Variants in UBN2 observed in about 807,000 individuals in gnomAD.
The protein encoded by UBN2 is ubinuclein 2, also known as ubinuclein-2.
UBN2 carries 35 observed loss-of-function variants against 120.2 expected under a neutral mutation model. That is an observed-to-expected ratio of 0.29 (90% CI 0.22 to 0.39). UBN2 has a LOEUF of 0.39. Among genes scored for constraint, UBN2 ranks in the 10% least tolerant of loss-of-function variants. UBN2 has a pLI of 1.00. For synonymous variants in UBN2, 661 were observed against 648.7 expected (o/e 1.02, Z -0.29); for missense variants, 1,693 against 1,663.2 (o/e 1.02, Z -0.31).
chr7:139,259,452 C>CGCCTG, intron 5 of UBN2, 82 bp downstream of exon 5: 1 of 1,537,522 alleles, frequency 6.5e-7, no homozygotes, highest in Non-Finnish European at 8.8e-7. Context: ...TTACCATTAA[C>CGCCTG]TAATTCAACC....
In UBN2 at chr7:139,264,024, G is replaced by A. The variant is rs570560773; in HGVS notation, c.1395+2283G>A. On this transcript the variant is annotated intron_variant, in intron 6 of 17. Coordinates refer to ENST00000473989, the MANE Select transcript of UBN2 (RefSeq NM_173569.4). The stretch of plus-strand genomic sequence containing the variant: ...GTAAGTACTATATGCATCATGAAGA[G>A]ATTATAACTTAATTTGCAGTTTGAT... Among the ~76,000 whole-genome samples the A allele has an allele frequency of 4.0e-4, 61 of 152,212 alleles. 1 individual carries two copies. The highest frequency in any genetic ancestry group is 3.4e-3 in the Middle Eastern group (1 of 292).
At chr7:139,282,265 T>C (rs1262608596) in intron 14 of UBN2, among the ~76,000 whole-genome samples, 1 of 152,218 alleles carries the variant, frequency 6.6e-6, no homozygotes, top group Non-Finnish European at 1.5e-5. Context: ...TATTATAAAC[T>C]GTGCTCTAGT....
Position 139,283,207 on chromosome 7 carries a change from G to C in UBN2, c.2302G>C (p.Asp768His), listed in dbSNP as rs1401486158. The change falls in exon 15 of 18, where the codon GAT (aspartate) becomes CAT (histidine). Residue 768 changes from aspartate to histidine, a missense_variant. Coordinates refer to ENST00000473989, the MANE Select transcript of UBN2 (RefSeq NM_173569.4). ...CCTTTCTTTCCATTCACCTTCACTG[G>C]ATCTTGTTTCTGAAGCTTTAGCGGT... ...EDLSFHSPSL[D>H]LVSEALAVIN... 1 of 1,612,462 alleles carries C rather than the reference G, an allele frequency of 6.2e-7. No homozygotes were observed. Among genetic ancestry groups the C allele is most frequent in the Non-Finnish European group, 8.5e-7 (1 of 1,179,840 alleles).
intron 12 of UBN2, chr7:139,277,071 AAAAG>A (rs1394266689): frequency 6.6e-6 from 1 of 152,094 alleles, no homozygotes; most frequent in Non-Finnish European, 1.5e-5. Context: ...CCAGAAAAAA[AAAAG>A]GGGGGGGTTA....
downstream of UBN2, among the ~76,000 whole-genome samples, chr7:139,309,089 G>T (rs1331186960): frequency 6.6e-6 from 1 of 152,120 alleles, no homozygotes; most frequent in Non-Finnish European, 1.5e-5. Context: ...AGAAATTCAG[G>T]TAAGGGGTGG....
Position 139,283,793 on chromosome 7 carries a change from A to T in UBN2, c.2888A>T (p.Gln963Leu). ...GTCGTGAAGTTAAGTAATAATCCCC[A>T]ACTCTCCTGTTCCTCCTCACTTATT... is the stretch of plus-strand genomic sequence containing the variant. ...NPVVKLSNNP[Q>L]LSCSSSLIKT... The change falls in exon 15 of 18, where the codon CAA (glutamine) becomes CTA (leucine). Residue 963 changes from glutamine to leucine, a missense_variant. Transcript: ENST00000473989. 1 of 1,613,854 alleles carries T rather than the reference A, an allele frequency of 6.2e-7. No individual in the cohort carries two copies.
At chr7:139,262,474 G>A (rs967515665) in intron 6 of UBN2, among the ~76,000 whole-genome samples, 1 of 152,190 alleles carries the variant, frequency 6.6e-6, no homozygotes, top group African/African-American at 2.4e-5. Context: ...ACTTTGGGAA[G>A]CCAAGGTGGG....
chr7:139,297,164 A>T (rs1798132171), intron 17 of UBN2, among the ~76,000 whole-genome samples: 1 of 151,174 alleles, frequency 6.6e-6, no homozygotes, highest in Non-Finnish European at 1.5e-5. Context: ...ATTGCACTCC[A>T]GCCTGGGCGA....
At chr7:139,292,266 C>T (rs12539371) in intron 15 of UBN2, among the ~76,000 whole-genome samples, 10,520 of 151,902 alleles carry the variant, frequency 0.069, 701 homozygotes, top group Admixed American at 0.2. Context: ...AAAAAGGGGG[C>T]GGAGTTTGGG....
At chr7:139,272,114 CTTGGCTAACTGGA>C (rs1797294344) in intron 8 of UBN2, among the ~76,000 whole-genome samples, 195 bp from the exon 9 acceptor site, 3 of 152,106 alleles carry the variant, frequency 2.0e-5, no homozygotes, top group Admixed American at 2.0e-4. Flanking sequence ...TGGAACTCTT[CTTGGCTAACTGGA>C]ATATGTCATT....
At chr7:139,256,517 G>A (rs1796770950) in intron 3 of UBN2, among the ~76,000 whole-genome samples, 1 of 152,138 alleles carries the variant, frequency 6.6e-6, no homozygotes, top group South Asian at 2.1e-4. Context: ...TAAAGTGGGA[G>A]TAATATTTGC....
chr7:139,280,612 C>T (rs1380322698), intron 13 of UBN2, among the ~76,000 whole-genome samples: 1 of 151,974 alleles, frequency 6.6e-6, no homozygotes, highest in Non-Finnish European at 1.5e-5. Flanking sequence ...GTTAGAGCCT[C>T]TTTAAATGCA....
chr7:139,283,175 A>T lies in UBN2; in HGVS notation c.2270A>T (p.Asp757Val), dbSNP rs770025620. 1 of 1,612,094 alleles carries T rather than the reference A, an allele frequency of 6.2e-7. No individual in the cohort carries two copies. The highest frequency in any genetic ancestry group is 8.5e-7 in the Non-Finnish European group (1 of 1,179,816). Residue 757 changes from aspartate (D) to valine (V), a missense_variant, in exon 15 of 18, where the codon GAT becomes GTT. This residue lies in a region of UBN2 where 837 missense variants were observed against 817.6 expected (regional missense o/e 1.02). Transcript: ENST00000473989. ...ACCATCTGCCTCGACGACTCACTAG[A>T]TGAAGACCTTTCTTTCCATTCACCT... ...QETICLDDSL[D>V]EDLSFHSPSL...
the UBN2 span, among the ~76,000 whole-genome samples, chr7:139,320,119 C>T: frequency 6.6e-6 from 1 of 151,340 alleles, no homozygotes. Flanking sequence ...TCAAAGTAGT[C>T]TCTATTGACA....
At chr7:139,235,531 C>T (rs540909195) in intron 1 of UBN2, among the ~76,000 whole-genome samples, 52 of 152,234 alleles carry the variant, frequency 3.4e-4, no homozygotes, top group South Asian at 1.7e-3. Flanking sequence ...CTCAGCCTCC[C>T]GAGTAGCTGG....
downstream of UBN2, among the ~76,000 whole-genome samples, chr7:139,309,199 G>T (rs1247081735): frequency 6.6e-6 from 1 of 152,232 alleles, no homozygotes; most frequent in Admixed American, 6.5e-5. Context: ...TGCTGAAATG[G>T]GGTTGTAGGA....
At chr7:139,267,536 C>CAAA (rs1189492166) in intron 7 of UBN2, among the ~76,000 whole-genome samples, 3 of 80,036 alleles carry the variant, frequency 3.7e-5, no homozygotes, top group African/African-American at 9.2e-5. Flanking sequence ...ACTCTGTCTC[C>CAAA]AAAAAAAAAA....
chr7:139,296,080 A>G (rs995428490), intron 17 of UBN2, among the ~76,000 whole-genome samples: 22 of 152,188 alleles, frequency 1.4e-4, no homozygotes, highest in African/African-American at 5.3e-4. Context: ...GGAGACAACA[A>G]ATGTTTTTTA....
rs150140725 is a variant in UBN2 at position 139,292,131 on chromosome 7, G to A, written c.3670-1101G>A. Reference sequence around the variant, plus strand: ...TAGCCGGGTATAGTGGCATGTGCCTGTAGTCTTAGCTACTCGGGAGGCTGA... The same window carrying A: ...TAGCCGGGTATAGTGGCATGTGCCTATAGTCTTAGCTACTCGGGAGGCTGA... On this transcript the variant is annotated intron_variant, in intron 15 of 17. Coordinates refer to ENST00000473989, the MANE Select transcript of UBN2 (RefSeq NM_173569.4). 2.2e-3 allele frequency among the ~76,000 whole-genome samples: 333 copies of A among 152,132 alleles called. 2 individuals are homozygous for A. The highest frequency in any genetic ancestry group is 7.5e-3 in the African/African-American group (313 of 41,496).
Sources: gnomAD v4.1 joint callset for allele counts (sites outside exome capture counted in the v4.1 genomes callset) on GRCh38, gnomAD v4.1.1 for gene constraint, gnomAD v4.1.1 regional missense constraint, MANE v1.5 for transcripts, NCBI Gene and HGNC (gene_info 2026-07-23, HGNC 2026-07-21) for gene names.